Variants in UACA observed in about 807,000 individuals in gnomAD.
UACA encodes the protein nuclear membrane binding protein.
In UACA, 112 loss-of-function variants were observed where a neutral mutation model predicts 160.5. The ratio of observed to expected loss-of-function variants is 0.70; its 90% CI spans 0.60 to 0.82. The LOEUF is 0.82. Ranked by LOEUF, UACA falls within the 40% of genes least tolerant of loss-of-function variation. UACA has a pLI of 0.00. For synonymous variants in UACA, 557 were observed against 568.4 expected (o/e 0.98, Z 0.29); for missense variants, 1,574 against 1,614.6 (o/e 0.97, Z 0.43).
At chr15:70,657,272 C>G (rs962614214) in intron 18 of UACA, 145 bp from the exon 19 acceptor site, 2 of 695,988 alleles carry the variant, frequency 2.9e-6, no homozygotes, top group Admixed American at 2.3e-5. Context: ...AAAGGAATTA[C>G]TGGAAAAGGG....
At chr15:70,710,142 C>A (rs1680255603) in intron 1 of UACA, among the ~76,000 whole-genome samples, 1 of 152,094 alleles carries the variant, frequency 6.6e-6, no homozygotes, top group African/African-American at 2.4e-5. Context: ...CTAGTCCCAA[C>A]TATTTGGGAG....
chr15:70,695,042 A>T lies in UACA; in HGVS notation c.276T>A (p.Val92=), dbSNP rs760416879. 7 of 1,610,708 alleles carry T rather than the reference A, an allele frequency of 4.3e-6. No homozygotes were observed. In the African/African-American group the frequency reaches 9.4e-5, roughly 22 times the overall value. The change falls in exon 3 of 19, where the codon GTT becomes GTA. Residue 92 remains valine (V), a synonymous_variant. Coordinates refer to ENST00000322954, the MANE Select transcript of UACA (RefSeq NM_018003.4). The part of the protein sequence containing the change: ...ECLNAILIHG[V]DITTSDTAGR... ...CTGCAGTGTCACTGGTTGTAATATC[A>T]ACTCCATGTATAAGGATGGCATTCA...
At position 70,664,723 on chromosome 15, in the gene UACA, C is replaced by T; in HGVS notation, c.4052G>A (p.Arg1351Lys). The change falls in exon 17 of 19, where the codon AGG (arginine) becomes AAG (lysine). Residue 1351 changes from arginine (R) to lysine (K), a missense_variant. Arg to Lys is a conservative substitution (Grantham distance 26). Coordinates refer to ENST00000322954, the MANE Select transcript of UACA (RefSeq NM_018003.4). ...CAGAGTGTCAATCAGCTGGCTCTGC[C>T]TCTTGGTGGGGTTCCCACTTGTGTA... ...LTYTSGNPTK[R>K]QSQLIDTLQH... 6.2e-7 allele frequency: 1 copy of T among 1,613,656 alleles called. No homozygotes were observed. Among genetic ancestry groups the T allele is most frequent in the South Asian group, 1.1e-5 (1 of 91,046 alleles).
chr15:70,693,414 AC>A (rs1474159577), intron 3 of UACA, among the ~76,000 whole-genome samples: 1 of 152,190 alleles, frequency 6.6e-6, no homozygotes, highest in Non-Finnish European at 1.5e-5. Flanking sequence ...TTAATATTAA[AC>A]AGCACTTAAG....
chr15:70,741,134 C>A (rs1038721503), intron 1 of UACA, among the ~76,000 whole-genome samples: 1 of 152,110 alleles, frequency 6.6e-6, no homozygotes, highest in Admixed American at 6.5e-5. Context: ...AGGAGGGACT[C>A]ACTGTCAAGG....
intron 3 of UACA, among the ~76,000 whole-genome samples, chr15:70,694,651 T>C (rs1040683934): frequency 5.3e-5 from 8 of 152,148 alleles, no homozygotes; most frequent in African/African-American, 1.7e-4. Context: ...TTATTATTGT[T>C]GTCCTTGATG....
the UACA span, among the ~76,000 whole-genome samples, chr15:70,778,200 CA>C: frequency 7.7e-3 from 983 of 128,082 alleles, 4 homozygotes; most frequent in African/African-American, 0.012. Flanking sequence ...GACCTGGTCT[CA>C]AAAAAAAAAA....
At chr15:70,672,065 T>C in intron 13 of UACA, 64 bp from the exon 14 acceptor site, 1 of 1,458,726 alleles carries the variant, frequency 6.9e-7, no homozygotes, top group Non-Finnish European at 9.4e-7. Flanking sequence ...ATTCTGTATC[T>C]ATTTTAGCTC....
rs764373773 is a variant in UACA at position 70,668,822 on chromosome 15, G to C, written c.1862C>G (p.Ala621Gly). ...EMEGQAKELS[A>G]KLALSIPAEK... ...AGCTGGAATGGAAAGGGCCAACTTCGCTGACAATTCTTTTGCCTGGCCTTC... is the reference window on the plus strand; with the variant it reads ...AGCTGGAATGGAAAGGGCCAACTTCCCTGACAATTCTTTTGCCTGGCCTTC... Residue 621 changes from alanine to glycine, a missense_variant, in exon 16 of 19, where the codon GCG becomes GGG. Ala to Gly is a moderately conservative substitution (Grantham distance 60). Transcript: ENST00000322954. 6.2e-6 allele frequency: 10 copies of C among 1,613,584 alleles called. 1 individual carries two copies. The South Asian group carries it at 7.7e-5, about 12-fold the overall frequency.
At chr15:70,749,698 C>CAAAAAA (rs11292883) in intron 1 of UACA, among the ~76,000 whole-genome samples, 34 of 70,046 alleles carry the variant, frequency 4.9e-4, no homozygotes, top group African/African-American at 1.8e-3. Flanking sequence ...GACTCCGTCT[C>CAAAAAA]AAAAAAAAAA....
At chr15:70,700,840 C>A (rs999761306) in intron 1 of UACA, among the ~76,000 whole-genome samples, 4 of 151,890 alleles carry the variant, frequency 2.6e-5, no homozygotes, top group Admixed American at 6.6e-5. Flanking sequence ...GGATATTTTT[C>A]ACTTAACTTA....
At chr15:70,763,631 C>A, upstream of UACA, 3 of 789,174 alleles carry the variant, frequency 3.8e-6, no homozygotes, top group Non-Finnish European at 5.1e-6. Context: ...AAACCGCGAC[C>A]AATCGGAATG....
chr15:70,676,409 T>C, intron 13 of UACA, 84 bp downstream of exon 13: 2 of 1,045,520 alleles, frequency 1.9e-6, no homozygotes, highest in Non-Finnish European at 2.8e-6. Context: ...AAATAAGAGA[T>C]TTATAATTCA....
intron 17 of UACA, among the ~76,000 whole-genome samples, chr15:70,664,226 A>G (rs1389925187): frequency 6.6e-6 from 1 of 152,160 alleles, no homozygotes; most frequent in Non-Finnish European, 1.5e-5. Context: ...TCACAAAGAT[A>G]AAAGATTATT....
chr15:70,722,165 AC>A (rs1270666836), intron 1 of UACA, among the ~76,000 whole-genome samples: 1 of 152,100 alleles, frequency 6.6e-6, no homozygotes, highest in Non-Finnish European at 1.5e-5. Context: ...CACTTTATAA[AC>A]CCCTTAACGG....
At chr15:70,700,318 T>TATACACAC (rs565377949) in intron 1 of UACA, among the ~76,000 whole-genome samples, 5 of 139,760 alleles carry the variant, frequency 3.6e-5, no homozygotes, top group African/African-American at 1.5e-4. Context: ...TATATATATA[T>TATACACAC]ACACACACAC....
intron 12 of UACA, among the ~76,000 whole-genome samples, chr15:70,676,895 C>T (rs530996455): frequency 8.9e-4 from 135 of 152,210 alleles, no homozygotes; most frequent in African/African-American, 3.1e-3. Flanking sequence ...GAAAGTAAGA[C>T]TTTCAGAGGC....
intron 1 of UACA, among the ~76,000 whole-genome samples, chr15:70,753,882 T>A (rs1357231189): frequency 6.6e-6 from 1 of 152,174 alleles, no homozygotes; most frequent in African/African-American, 2.4e-5. Flanking sequence ...CTCGGCTCAA[T>A]GCAAATTCCG....
chr15:70,685,262 T>C (rs1253722987), intron 7 of UACA, among the ~76,000 whole-genome samples: 1 of 152,212 alleles, frequency 6.6e-6, no homozygotes, highest in Non-Finnish European at 1.5e-5. Context: ...ATAATTGTCA[T>C]GAAAATCTAG....
Sources: allele counts gnomAD v4.1 joint callset (sites outside exome capture counted in the v4.1 genomes callset), GRCh38; gene constraint gnomAD v4.1.1; transcripts MANE v1.5; gene names NCBI Gene and HGNC (gene_info 2026-07-23, HGNC 2026-07-21).